Variants in KIFC3 observed in about 807,000 individuals in gnomAD.
KIFC3 encodes kinesin family member C3, also known as kinesin-like protein KIFC3.
Under a neutral mutation model 101.8 loss-of-function variants are expected in KIFC3, and 60 were observed. That is an observed-to-expected ratio of 0.59 (90% confidence interval 0.48 to 0.73). The LOEUF (loss-of-function observed/expected upper bound fraction) is 0.73, where lower values mean the gene tolerates loss of function less well. KIFC3 is among the 30% of genes least tolerant of loss of function. The pLI is 0.00. For synonymous variants in KIFC3, 476 were observed against 482.7 expected (o/e 0.99, Z 0.18); for missense variants, 966 against 1,137.1 (o/e 0.85, Z 2.16).
chr16:57,770,505 T>C, intron 7 of KIFC3, 22 bp downstream of exon 7: 10 of 1,367,534 alleles, frequency 7.3e-6, no homozygotes, highest in Non-Finnish European at 9.4e-6. Context: ...GCTGGGCATG[T>C]GCCCCCACAC....
intron 2 of KIFC3, among the ~76,000 whole-genome samples, chr16:57,795,890 T>TTTTG (rs1568047890): frequency 7.7e-5 from 4 of 52,046 alleles, no homozygotes; most frequent in African/African-American, 2.6e-4. Context: ...TTTTGTTTTT[T>TTTTG]TTTTTTTTTT....
At chr16:57,791,571 C>T (rs1028677517) in intron 3 of KIFC3, among the ~76,000 whole-genome samples, 17 of 152,200 alleles carry the variant, frequency 1.1e-4, no homozygotes, top group Non-Finnish European at 2.1e-4. Flanking sequence ...GACCCTGAAG[C>T]ACCTACCGCA....
At chr16:57,836,217 C>T (rs1046456774) in intron 1 of KIFC3, among the ~76,000 whole-genome samples, 6 of 152,124 alleles carry the variant, frequency 3.9e-5, no homozygotes, top group Admixed American at 2.0e-4. Context: ...TGGGGTCTAG[C>T]GATCCTTCCA....
chr16:57,816,102 C>T (rs1384082966), intron 1 of KIFC3: 2 of 892,948 alleles, frequency 2.2e-6, no homozygotes, highest in Admixed American at 7.1e-5. Context: ...GTGGTCAAAT[C>T]CTCTTACCAG....
intron 1 of KIFC3, among the ~76,000 whole-genome samples, chr16:57,860,059 A>AAATAT: frequency 7.7e-6 from 1 of 129,740 alleles, no homozygotes; most frequent in Admixed American, 7.4e-5. Context: ...AAATAAAATA[A>AAATAT]AATAAAATAA....
At chr16:57,831,641 G>C (rs1237203563) in intron 1 of KIFC3, among the ~76,000 whole-genome samples, 1 of 152,182 alleles carries the variant, frequency 6.6e-6, no homozygotes, top group Non-Finnish European at 1.5e-5. Flanking sequence ...TGTGAGCTAT[G>C]ATCATACCAC....
intron 1 of KIFC3, among the ~76,000 whole-genome samples, chr16:57,821,659 G>A (rs2055352500): frequency 6.6e-6 from 1 of 152,106 alleles, no homozygotes; most frequent in South Asian, 2.1e-4. Flanking sequence ...TATCTCTACT[G>A]GTACATATTC....
At chr16:57,862,814 A>G (rs549167792) in exon 1 of KIFC3, 2 of 1,289,166 alleles carry the variant, frequency 1.6e-6, no homozygotes, top group African/African-American at 1.5e-5. Context: ...GTTCTTCCTG[A>G]AAAGAAACTC....
At chr16:57,771,726 G>A in intron 4 of KIFC3, 40 bp from the exon 5 acceptor site, 3 of 1,585,304 alleles carry the variant, frequency 1.9e-6, no homozygotes, top group Non-Finnish European at 2.6e-6. Context: ...TGTGGCGAGG[G>A]CAGATGACGG....
chr16:57,834,300 C>T (rs773383416), intron 1 of KIFC3, among the ~76,000 whole-genome samples: 31 of 152,240 alleles, frequency 2.0e-4, no homozygotes, highest in Non-Finnish European at 3.1e-4. Flanking sequence ...CTCTCCTGGT[C>T]TTAACTATTC....
rs781885943 is a variant in KIFC3, at chr16:57,761,481, C to T, written c.1804G>A (p.Gly602Ser). The part of the protein sequence containing the change: ...EKLEIRLCPD[G>S]SGQLYVPGLT... ...CCTGGTACATACAGCTGCCCACTGC[C>T]GTCTGGGCACAGCCGGATCTCCAGT... Residue 602 changes from glycine (G) to serine (S), a missense_variant, in exon 14 of 20, where the codon GGC becomes AGC. Physicochemically the swap from Gly to Ser is moderately conservative, Grantham distance 56 (BLOSUM62 0). Transcript: ENST00000445690. The T allele has an allele frequency of 2.5e-6, 4 of 1,613,858 alleles. No homozygotes were observed. The highest frequency in any genetic ancestry group is 1.7e-5 in the Admixed American group (1 of 60,012).
intron 1 of KIFC3, chr16:57,815,412 C>T (rs1297359098): frequency 3.4e-6 from 4 of 1,180,242 alleles, no homozygotes; most frequent in South Asian, 1.6e-5. Flanking sequence ...ACCACCGCCA[C>T]GTGTTTTCTA....
upstream of KIFC3, chr16:57,807,522 G>A (rs1555627143): frequency 6.6e-6 from 1 of 152,284 alleles, no homozygotes; most frequent in African/African-American, 2.4e-5. Context: ...AGGTGTTCAA[G>A]TGATATTTAA....
At position 57,758,810 on chromosome 16, in the gene KIFC3, C is replaced by T. The variant is rs1555591792; in HGVS notation, c.*124G>A. 1 of 1,530,128 alleles carries T rather than the reference C, an allele frequency of 6.5e-7. No homozygotes were observed. The highest frequency in any genetic ancestry group is 1.4e-5 in the African/African-American group (1 of 73,374). 94.8% of individuals were successfully genotyped at this position (1,530,128 alleles called of 1,614,324 possible). On this transcript the variant is annotated 3_prime_UTR_variant, in exon 20 of 20. Transcript: ENST00000445690. ...GAAGAGCCTCCACTCTCGCCTCTACCTCCGGGGGTCCTGGCGCTGCAGCAG... is the reference window on the plus strand; with the variant it reads ...GAAGAGCCTCCACTCTCGCCTCTACTTCCGGGGGTCCTGGCGCTGCAGCAG...
At chr16:57,839,888 T>C (rs1209050087) in intron 1 of KIFC3, among the ~76,000 whole-genome samples, 3 of 152,178 alleles carry the variant, frequency 2.0e-5, no homozygotes, top group Non-Finnish European at 4.4e-5. Context: ...TTTTAAGCAC[T>C]TTCCTTTTCA....
chr16:57,776,309 C>T, intron 3 of KIFC3: 2 of 985,434 alleles, frequency 2.0e-6, no homozygotes, highest in Non-Finnish European at 2.4e-6. Context: ...CCACAGAAGG[C>T]CTGATCCTGG....
intron 1 of KIFC3, among the ~76,000 whole-genome samples, chr16:57,833,199 C>T (rs1457101941): frequency 6.9e-6 from 1 of 144,894 alleles, no homozygotes; most frequent in Non-Finnish European, 1.5e-5. Flanking sequence ...AAGCAACACT[C>T]TGTCTCAAAT....
chr16:57,771,735 G>A (rs368195981), intron 4 of KIFC3, 49 bp from the exon 5 acceptor site: 180 of 1,576,000 alleles, frequency 1.1e-4, no homozygotes, highest in Non-Finnish European at 1.2e-4. Context: ...GGCAGATGAC[G>A]GGGGAAAGAA....
In KIFC3 at chr16:57,770,571, G is replaced by A; in HGVS notation, c.895C>T (p.Gln299Ter). 1 of 1,511,384 alleles carries A rather than the reference G, an allele frequency of 6.6e-7. No individual in the cohort carries two copies. The highest frequency in any genetic ancestry group is 8.9e-7 in the Non-Finnish European group (1 of 1,129,408). The allele number at this position is 1,511,384 out of a possible 1,614,324, so 93.6% of individuals were successfully genotyped here. The change falls in exon 7 of 20, where the codon CAG becomes TAG. Residue 299 changes from glutamine to a stop codon, truncating the protein, a stop_gained. Transcript: ENST00000445690. LOFTEE classifies it high-confidence loss of function. ...QRQVLKEMEQ[Q>*]LQSSHQLTAR... is the part of the protein sequence containing the mutation. The stretch of plus-strand genomic sequence containing the variant: ...GTCAGCTGGTGTGAGCTCTGCAGCT[G>A]CTGTTCCATCTCCTTCAGCACCTGC...
Sources: gnomAD v4.1 joint callset for allele counts (sites outside exome capture counted in the v4.1 genomes callset) on GRCh38, gnomAD v4.1.1 for gene constraint, MANE v1.5 for transcripts, NCBI Gene and HGNC (gene_info 2026-07-23, HGNC 2026-07-21) for gene names.